The following PDE11A variants were observed in gnomAD, a reference collection of about 807,000 sequenced individuals.
PDE11A encodes the protein phosphodiesterase 11A.
A neutral mutation model predicts 100.5 loss-of-function variants in PDE11A; 100 were observed. That is an observed-to-expected ratio of 1.00 (90% CI 0.85 to 1.18). The LOEUF (loss-of-function observed/expected upper bound fraction) is 1.18, where lower values mean the gene tolerates loss of function less well. Among genes scored for constraint, PDE11A ranks in the 50% most tolerant of loss-of-function variants. PDE11A has a pLI of 0.00. For missense variants in PDE11A, 1,141 were observed against 1,152.6 expected (o/e 0.99, Z 0.15); for synonymous variants, 381 against 420.8 (o/e 0.91, Z 1.16).
chr2:177,635,115 G>C (rs2080020191), intron 19 of PDE11A, among the ~76,000 whole-genome samples: 1 of 152,134 alleles, frequency 6.6e-6, no homozygotes, highest in Admixed American at 6.5e-5. Flanking sequence ...ACCTCCCAGG[G>C]GAGTCCATTT....
intron 2 of PDE11A, among the ~76,000 whole-genome samples, chr2:177,968,951 A>C (rs1273812130): frequency 6.6e-6 from 1 of 152,264 alleles, no homozygotes; most frequent in East Asian, 1.9e-4. Flanking sequence ...TCATTCTACT[A>C]TAAGAACACA....
rs57140241 is a variant in PDE11A at position 177,783,411 on chromosome 2, G to GTT, written c.1738-14040_1738-14039dup. Among the ~76,000 whole-genome samples, 511 of 151,958 alleles carry GTT rather than the reference G, an allele frequency of 3.4e-3. 3 individuals carry two copies. The highest frequency in any genetic ancestry group is 0.011 in the African/African-American group (468 of 41,454). ...TAGTCTTGTCCATGTTTTTGAGGTGGTTTTTTTCCCCCTGGAATTTGGACT... is the reference window on the plus strand; with the variant it reads ...TAGTCTTGTCCATGTTTTTGAGGTGGTTTTTTTTTCCCCCTGGAATTTGGACT... On this transcript the variant is annotated intron_variant, in intron 9 of 19. Coordinates refer to ENST00000286063, the MANE Select transcript of PDE11A (RefSeq NM_016953.4).
At chr2:178,026,943 G>A (rs905753376) in intron 1 of PDE11A, among the ~76,000 whole-genome samples, 2 of 151,922 alleles carry the variant, frequency 1.3e-5, no homozygotes, top group Non-Finnish European at 2.9e-5. Flanking sequence ...TTAATAAATT[G>A]CAAAAGTAAA....
chr2:177,793,287 C>A (rs1306207839), intron 9 of PDE11A, among the ~76,000 whole-genome samples: 2 of 152,120 alleles, frequency 1.3e-5, no homozygotes, highest in Non-Finnish European at 2.9e-5. Flanking sequence ...TGTGCCCCTC[C>A]TCAGTGATAC....
chr2:177,764,749 T>G (rs947030771), intron 10 of PDE11A, among the ~76,000 whole-genome samples: 7 of 152,220 alleles, frequency 4.6e-5, no homozygotes, highest in Admixed American at 4.6e-4. Context: ...TCATGGAAGA[T>G]CAGTAAATGT....
At position 177,863,293 on chromosome 2, in the gene PDE11A, C is replaced by T. The variant is rs13396582; in HGVS notation, c.1367+12566G>A. Among the ~76,000 whole-genome samples the T allele has an allele frequency of 9.7e-3, 1,477 of 151,968 alleles. 30 individuals are homozygous for T. The highest frequency in any genetic ancestry group is 0.034 in the African/African-American group (1,424 of 41,524). On this transcript the variant is annotated intron_variant, in intron 5 of 19. Coordinates refer to ENST00000286063, the MANE Select transcript of PDE11A (RefSeq NM_016953.4). The stretch of plus-strand genomic sequence containing the variant: ...TGGTCATGATTTTTTGAATATCACA[C>T]CAAAAGCTCAGTCCACAAAAGCAAA...
chr2:177,799,591 G>C (rs1283825216), intron 9 of PDE11A, among the ~76,000 whole-genome samples: 1 of 152,156 alleles, frequency 6.6e-6, no homozygotes. Context: ...ACTAGAATAT[G>C]AGAAGAATTT....
intron 17 of PDE11A, among the ~76,000 whole-genome samples, chr2:177,674,174 T>C (rs2080730802): frequency 6.6e-6 from 1 of 152,226 alleles, no homozygotes; most frequent in Non-Finnish European, 1.5e-5. Flanking sequence ...CTCTGCCACC[T>C]ACAAGCTGTT....
chr2:177,968,602 G>T (rs1331932079), intron 2 of PDE11A, among the ~76,000 whole-genome samples: 2 of 152,130 alleles, frequency 1.3e-5, no homozygotes, highest in Non-Finnish European at 2.9e-5. Flanking sequence ...ATACTCATAT[G>T]CAGTCAAATA....
chr2:177,789,454 A>G (rs1397820088), intron 9 of PDE11A, among the ~76,000 whole-genome samples: 4 of 151,842 alleles, frequency 2.6e-5, no homozygotes, highest in Admixed American at 6.6e-5. Flanking sequence ...CAAAAACTGG[A>G]AGCATTCCCT....
At chr2:178,069,927 C>T (rs980361976) in intron 1 of PDE11A, among the ~76,000 whole-genome samples, 1 of 151,984 alleles carries the variant, frequency 6.6e-6, no homozygotes, top group African/African-American at 2.4e-5. Flanking sequence ...AAGGCTGCAA[C>T]CCTAGGCTGG....
intron 1 of PDE11A, among the ~76,000 whole-genome samples, chr2:178,041,502 AGT>A (rs2086683052): frequency 6.6e-6 from 1 of 152,114 alleles, no homozygotes; most frequent in Non-Finnish European, 1.5e-5. Flanking sequence ...TCAGCCTCCA[AGT>A]GCTGGGATTA....
At chr2:178,051,008 G>A (rs10754990) in intron 1 of PDE11A, among the ~76,000 whole-genome samples, 81,233 of 151,796 alleles carry the variant, frequency 0.54, 22,037 homozygotes, top group East Asian at 0.71. Flanking sequence ...CAGAGAGAAC[G>A]CCACAAAGAT....
intron 13 of PDE11A, among the ~76,000 whole-genome samples, chr2:177,708,024 C>T (rs2081305013): frequency 6.6e-6 from 1 of 152,002 alleles, no homozygotes; most frequent in African/African-American, 2.4e-5. Flanking sequence ...ATACCATTGG[C>T]CTGGGGGAGA....
intron 2 of PDE11A, among the ~76,000 whole-genome samples, chr2:177,925,501 T>C (rs1277119923): frequency 1.3e-5 from 2 of 152,190 alleles, no homozygotes; most frequent in African/African-American, 4.8e-5. Context: ...CATTTTTTCA[T>C]GTGTTTTTGG....
rs909534977 is a variant in PDE11A at position 177,628,729 on chromosome 2, A to C, written c.*678T>G. ...TGTCTGTAATGAAGGTTGAATTTTA[A>C]AACTCTGGAAAAGGGTACCATAGTC... On this transcript the variant is annotated 3_prime_UTR_variant, in exon 20 of 20. Transcript: ENST00000286063. 5 of 152,388 alleles carry C rather than the reference A, an allele frequency of 3.3e-5. No individual in the cohort carries two copies. The highest frequency in any genetic ancestry group is 1.2e-4 in the African/African-American group (5 of 41,456). 9.4% of individuals were successfully genotyped at this position (152,388 alleles called of 1,614,324 possible). A position where few individuals can be genotyped will look rare whatever the true frequency, so the allele number is the denominator to read the frequency against.
At chr2:177,802,264 G>C (rs916629048) in intron 9 of PDE11A, among the ~76,000 whole-genome samples, 10 of 152,054 alleles carry the variant, frequency 6.6e-5, no homozygotes, top group African/African-American at 2.2e-4. Context: ...TGATAGAAAT[G>C]TACAATGGTA....
At chr2:177,926,244 A>C (rs114449355) in intron 2 of PDE11A, among the ~76,000 whole-genome samples, 1,580 of 152,292 alleles carry the variant, frequency 0.01, 29 homozygotes, top group African/African-American at 0.035. Flanking sequence ...AGGAAAAAAA[A>C]GATTCTTGAT....
At chr2:177,917,663 T>G (rs1318132354) in intron 2 of PDE11A, among the ~76,000 whole-genome samples, 3 of 152,238 alleles carry the variant, frequency 2.0e-5, no homozygotes, top group Non-Finnish European at 4.4e-5. Context: ...TATTTAAGAC[T>G]GTGGCTTAGC....
Sources: allele counts gnomAD v4.1 joint callset (sites outside exome capture counted in the v4.1 genomes callset), GRCh38; gene constraint gnomAD v4.1.1; transcripts MANE v1.5; gene names NCBI Gene and HGNC (gene_info 2026-07-23, HGNC 2026-07-21).